The following SLC25A42 variants were observed in gnomAD, a reference collection of about 807,000 sequenced individuals.
The protein encoded by SLC25A42 is solute carrier family 25 member 42.
A neutral mutation model predicts 34.7 loss-of-function variants in SLC25A42; 19 were observed. The observed-to-expected ratio is 0.55, with a 90% CI of 0.38 to 0.80. The LOEUF is 0.80. Ranked by LOEUF, SLC25A42 falls within the 30% of genes least tolerant of loss-of-function variation. The pLI, the probability that SLC25A42 is intolerant of heterozygous loss-of-function variation, is 0.00. For synonymous variants in SLC25A42, 205 were observed against 191.2 expected (o/e 1.07, Z -0.59); for missense variants, 364 against 441.3 (o/e 0.82, Z 1.57).
intron 1 of SLC25A42, among the ~76,000 whole-genome samples, chr19:19,090,985 A>G (rs2059735338): frequency 6.6e-6 from 1 of 152,212 alleles, no homozygotes; most frequent in Non-Finnish European, 1.5e-5. Flanking sequence ...GAGCTGCAGC[A>G]AACACGGCTC....
chr19:19,086,300 A>T (rs62138099), intron 1 of SLC25A42, among the ~76,000 whole-genome samples: 6,387 of 152,082 alleles, frequency 0.042, 204 homozygotes, highest in Non-Finnish European at 0.062. Flanking sequence ...TACCTGGCTA[A>T]CTTTTGTATT....
At position 19,096,076 on chromosome 19, in the gene SLC25A42, C is replaced by T. The variant is rs1246100880; in HGVS notation, c.-34-15C>T. ...GGATCTCGCCGTATCTTACCACCTC[C>T]CCTTACCCCCCCAGGACCGAGTCTC... is the stretch of plus-strand genomic sequence containing the variant. On this transcript the variant is annotated splice_polypyrimidine_tract_variant and intron_variant, in intron 1 of 7. Transcript: ENST00000318596. 3.3e-6 allele frequency: 5 copies of T among 1,530,894 alleles called. No homozygotes were observed. Among genetic ancestry groups the T allele is most frequent in the Non-Finnish European group, 4.5e-6 (5 of 1,106,886 alleles). The allele number at this position is 1,530,894 out of a possible 1,614,324, so 94.8% of individuals were successfully genotyped here.
In SLC25A42 at chr19:19,082,083, G is replaced by C. The variant is rs541900129; in HGVS notation, c.-34-14008G>C. On this transcript the variant is annotated intron_variant, in intron 1 of 7. Coordinates refer to ENST00000318596, the MANE Select transcript of SLC25A42 (RefSeq NM_178526.5). Reference sequence around the variant, plus strand: ...CCTCCCGTCACTCCCCTGGCCACTGGCCCAGTTGGTCCTCTTCCCTTGTGA... The same window carrying C: ...CCTCCCGTCACTCCCCTGGCCACTGCCCCAGTTGGTCCTCTTCCCTTGTGA... 9.2e-5 allele frequency among the ~76,000 whole-genome samples: 14 copies of C among 152,264 alleles called. No individual in the cohort carries two copies. The South Asian group carries it at 2.9e-3, about 32-fold the overall frequency.
In SLC25A42 at chr19:19,081,633, C is replaced by A. The variant is rs2059682401; in HGVS notation, c.-34-14458C>A. Among the ~76,000 whole-genome samples the A allele has an allele frequency of 6.6e-6, 1 of 152,176 alleles. No individual in the cohort carries two copies. The highest frequency in any genetic ancestry group is 2.4e-5 in the African/African-American group (1 of 41,446). On this transcript the variant is annotated intron_variant, in intron 1 of 7. Transcript: ENST00000318596. This position sits in a 1 kb window ranked among gnomAD's most constrained non-coding sequence, Gnocchi z 4.5. The stretch of plus-strand genomic sequence containing the variant: ...GCTTCCTCCCCGAACCCATCCAAGC[C>A]TCCCTGTCCCAGGAAACGACCTCAC...
intron 6 of SLC25A42, 117 bp from the exon 7 acceptor site, chr19:19,107,774 ACAT>A (rs2059839920): frequency 9.8e-6 from 9 of 920,114 alleles, no homozygotes; most frequent in South Asian, 9.2e-5. Context: ...AAGAAGGAAA[ACAT>A]CAACATCCAG....
chr19:19,083,485 C>T (rs2059691281), intron 1 of SLC25A42, among the ~76,000 whole-genome samples: 1 of 152,212 alleles, frequency 6.6e-6, no homozygotes, highest in African/African-American at 2.4e-5. Context: ...GGGAAGTCAC[C>T]CCAAATGTCA....
chr19:19,101,844 A>T lies in SLC25A42; in HGVS notation c.145A>T (p.Thr49Ser). ...GGCCCTGGCTGGTGCCCTTGCCAAA[A>T]CAGCGGTAGCTCCCCTGGACCGAAC... ...SGALAGALAK[T>S]AVAPLDRTKI... The change falls in exon 3 of 8, where the codon ACA becomes TCA. Residue 49 changes from threonine (T) to serine (S), a missense_variant. Thr to Ser is a moderately conservative substitution (Grantham distance 58). Transcript: ENST00000318596. 1.2e-6 allele frequency: 2 copies of T among 1,613,806 alleles called. No homozygotes were observed. Among genetic ancestry groups the T allele is most frequent in the Non-Finnish European group, 1.7e-6 (2 of 1,179,864 alleles).
intron 2 of SLC25A42, among the ~76,000 whole-genome samples, chr19:19,099,159 C>T (rs1181023305): frequency 6.6e-6 from 1 of 152,166 alleles, no homozygotes; most frequent in Non-Finnish European, 1.5e-5. Flanking sequence ...ATTCTCAAAG[C>T]TCATGGAACC....
intron 1 of SLC25A42, among the ~76,000 whole-genome samples, chr19:19,087,167 A>AT (rs916509905): frequency 8.0e-5 from 12 of 149,438 alleles, no homozygotes; most frequent in Non-Finnish European, 1.5e-4. Flanking sequence ...TATGTATTTG[A>AT]TTTTTTTTTT....
chr19:19,065,780 C>T (rs1375101136), intron 1 of SLC25A42, among the ~76,000 whole-genome samples: 1 of 152,130 alleles, frequency 6.6e-6, no homozygotes, highest in Non-Finnish European at 1.5e-5. Flanking sequence ...TGTTTATATA[C>T]ATATTTTATA....
intron 1 of SLC25A42, among the ~76,000 whole-genome samples, chr19:19,074,435 G>A (rs868370119): frequency 2.6e-5 from 4 of 152,166 alleles, no homozygotes; most frequent in African/African-American, 7.2e-5. Flanking sequence ...ATTGGCTTCC[G>A]TTTACTGAGA....
chr19:19,107,371 G>T (rs1162317577), intron 6 of SLC25A42, among the ~76,000 whole-genome samples: 1 of 151,320 alleles, frequency 6.6e-6, no homozygotes, highest in Non-Finnish European at 1.5e-5. Flanking sequence ...GGTGGCTCAC[G>T]CCTGTAATTC....
chr19:19,083,860 C>A (rs1395014220), intron 1 of SLC25A42, among the ~76,000 whole-genome samples: 1 of 151,542 alleles, frequency 6.6e-6, no homozygotes, highest in African/African-American at 2.4e-5. Flanking sequence ...ATCTCCAGGG[C>A]CCTGCACACA....
intron 2 of SLC25A42, among the ~76,000 whole-genome samples, chr19:19,098,538 G>A (rs991798035): frequency 6.6e-6 from 1 of 152,070 alleles, no homozygotes; most frequent in Admixed American, 6.5e-5. Flanking sequence ...CATGGCTGCA[G>A]TGAGCTATGA....
intron 1 of SLC25A42, among the ~76,000 whole-genome samples, chr19:19,066,509 C>T (rs548639699): frequency 5.3e-4 from 79 of 147,984 alleles, no homozygotes; most frequent in African/African-American, 1.7e-3. Context: ...AGTGCAGTGG[C>T]GCGATCTCGG....
In SLC25A42 at chr19:19,110,587, A is replaced by C. The variant is rs2059857800; in HGVS notation, c.668A>C (p.Gln223Pro). ...SLHREYSGRRQPYPFERMIFG... is the reference protein window; with the variant it reads ...SLHREYSGRRPPYPFERMIFG... Reference sequence around the variant, plus strand: ...CCTGCAGAGTACAGCGGCCGCCGGCAGCCCTACCCCTTCGAGCGCATGATC... The same window carrying C: ...CCTGCAGAGTACAGCGGCCGCCGGCCGCCCTACCCCTTCGAGCGCATGATC... Residue 223 changes from glutamine to proline, a missense_variant, in exon 8 of 8, where the codon CAG (glutamine) becomes CCG (proline). Physicochemically the swap from Gln to Pro is moderately conservative, Grantham distance 76 (BLOSUM62 -1). Transcript: ENST00000318596. 1 of 1,440,166 alleles carries C rather than the reference A, an allele frequency of 6.9e-7. No individual in the cohort carries two copies. The highest frequency in any genetic ancestry group is 9.1e-7 in the Non-Finnish European group (1 of 1,103,540). The allele number at this position is 1,440,166 out of a possible 1,614,324, so 89.2% of individuals were successfully genotyped here. A position where few individuals can be genotyped will look rare whatever the true frequency, so the allele number is the denominator to read the frequency against.
intron 1 of SLC25A42, among the ~76,000 whole-genome samples, chr19:19,074,421 G>A (rs75854698): frequency 0.019 from 2,931 of 152,324 alleles, 86 homozygotes; most frequent in African/African-American, 0.067. Flanking sequence ...CAGATAGGAT[G>A]TTAATTGGCT....
chr19:19,091,829 A>G (rs1019194552), intron 1 of SLC25A42, among the ~76,000 whole-genome samples: 5 of 152,200 alleles, frequency 3.3e-5, no homozygotes, highest in African/African-American at 7.2e-5. Context: ...GTGAGCTATG[A>G]TTATGCCACT....
chr19:19,105,180 A>C, intron 4 of SLC25A42: 1 of 592,424 alleles, frequency 1.7e-6, no homozygotes, highest in Non-Finnish European at 3.0e-6. Context: ...TGTTTGATTT[A>C]TTGTTAAACA....
Sources: gnomAD v4.1 joint callset for allele counts (sites outside exome capture counted in the v4.1 genomes callset) on GRCh38, gnomAD v4.1.1 for gene constraint, Gnocchi (gnomAD v3.1) non-coding constraint, MANE v1.5 for transcripts, NCBI Gene and HGNC (gene_info 2026-07-23, HGNC 2026-07-21) for gene names.